The following ITFG2 variants were observed in gnomAD, a reference collection of about 807,000 sequenced individuals.
ITFG2 encodes the protein KICSTOR complex protein ITFG2.
Under a neutral mutation model 54.4 loss-of-function variants are expected in ITFG2, and 36 were observed. The ratio of observed to expected loss-of-function variants is 0.66; its 90% confidence interval spans 0.51 to 0.87. The LOEUF (loss-of-function observed/expected upper bound fraction) is 0.87, where lower values mean the gene tolerates loss of function less well. Among genes scored for constraint, ITFG2 ranks in the 40% least tolerant of loss-of-function variants. The pLI, the probability that ITFG2 is intolerant of heterozygous loss-of-function variation, is 0.00. For synonymous variants in ITFG2, 211 were observed against 225.4 expected, an observed-to-expected ratio of 0.94 and a Z score of 0.57; for missense variants, 524 against 576.7, an observed-to-expected ratio of 0.91 and a Z score of 0.94.
intron 2 of ITFG2, chr12:2,856,996 C>T (rs945693473): frequency 1.1e-5 from 8 of 702,912 alleles, no homozygotes; most frequent in Admixed American, 4.0e-5. Context: ...TGACTGGGCC[C>T]TCTGAGTGAT....
At chr12:2,821,012 TG>T in intron 6 of ITFG2, 140 bp downstream of exon 6, 2 of 902,720 alleles carry the variant, frequency 2.2e-6, no homozygotes. Flanking sequence ...TTTGCCCCAC[TG>T]GGGAAGATTA....
upstream of ITFG2, chr12:2,835,432 A>T (rs1471421680): frequency 6.2e-6 from 1 of 161,604 alleles, no homozygotes; most frequent in Non-Finnish European, 1.3e-5. Flanking sequence ...CTGGGTTCAG[A>T]TCAAAGAGGG....
intron 10 of ITFG2, 118 bp downstream of exon 10, chr12:2,823,029 C>G: frequency 1.3e-6 from 1 of 744,842 alleles, no homozygotes; most frequent in South Asian, 1.7e-5. Context: ...TGATGTAAGT[C>G]TTCATTCACC....
rs572661416 is a variant in ITFG2, at chr12:2,845,226, G to A, written n.300+4231G>A. Reference sequence around the variant, plus strand: ...GAGTTGGAATGAAGGCTGGAGGGTCGCAGGGAAGCTGGAAAGTGAGTTGGG... The same window carrying A: ...GAGTTGGAATGAAGGCTGGAGGGTCACAGGGAAGCTGGAAAGTGAGTTGGG... On this transcript the variant is annotated intron_variant and non_coding_transcript_variant, in intron 2 of 3. Transcript: ENST00000537710. This position sits in a 1 kb window ranked among gnomAD's most constrained non-coding sequence, Gnocchi z 4.2. 3.9e-5 allele frequency among the ~76,000 whole-genome samples: 6 copies of A among 152,338 alleles called. 1 individual carries two copies. Among genetic ancestry groups the A allele is most frequent in the South Asian group, 2.1e-4 (1 of 4,828 alleles).
At chr12:2,857,009 T>C (rs1197524129) in intron 2 of ITFG2, 7 of 702,890 alleles carry the variant, frequency 1.0e-5, no homozygotes, top group Non-Finnish European at 1.8e-5. Flanking sequence ...TGAGTGATCT[T>C]TGCCGGTTAC....
At chr12:2,829,204 G>A (rs1442304334), downstream of ITFG2, among the ~76,000 whole-genome samples, 1 of 152,174 alleles carries the variant, frequency 6.6e-6, no homozygotes, top group Non-Finnish European at 1.5e-5. Flanking sequence ...GGAAGGATGA[G>A]AAGACTGGAA....
At chr12:2,849,954 GTTTCT>G (rs1375198238) in intron 2 of ITFG2, among the ~76,000 whole-genome samples, 1 of 152,258 alleles carries the variant, frequency 6.6e-6, no homozygotes, top group African/African-American at 2.4e-5. Flanking sequence ...ACAGACTTTT[GTTTCT>G]TTTAACACAG....
intron 2 of ITFG2, chr12:2,830,801 C>T: frequency 6.2e-7 from 1 of 1,613,800 alleles, no homozygotes; most frequent in Non-Finnish European, 8.5e-7. Flanking sequence ...GGGGAGGCTC[C>T]CCCTGAAGCC....
chr12:2,823,248 G>C (rs1243212417), intron 10 of ITFG2, among the ~76,000 whole-genome samples: 2 of 152,234 alleles, frequency 1.3e-5, no homozygotes, highest in African/African-American at 4.8e-5. Context: ...ATCTGTCTGG[G>C]ATGTGTGAAG....
intron 2 of ITFG2, chr12:2,830,453 T>C: frequency 2.3e-5 from 10 of 430,720 alleles, no homozygotes; most frequent in South Asian, 8.1e-5. Context: ...GAGGAGTACT[T>C]ACTTAATTTA....
chr12:2,813,836 A>T (rs1189441462), intron 1 of ITFG2, among the ~76,000 whole-genome samples: 1 of 152,062 alleles, frequency 6.6e-6, no homozygotes, highest in Non-Finnish European at 1.5e-5. Flanking sequence ...TCTGGGGAGG[A>T]AAGAGTTATT....
intron 3 of ITFG2, chr12:2,858,729 A>T (rs1235961914): frequency 6.2e-7 from 1 of 1,614,066 alleles, no homozygotes; most frequent in African/African-American, 1.3e-5. Context: ...GTCCAGCAGG[A>T]TCTTGCTGAG....
At chr12:2,814,118 A>G (rs189535723) in intron 1 of ITFG2, among the ~76,000 whole-genome samples, 1 of 151,978 alleles carries the variant, frequency 6.6e-6, no homozygotes. Context: ...TAATTTTTTT[A>G]AAGTTTTGTA....
intron 2 of ITFG2, among the ~76,000 whole-genome samples, chr12:2,847,409 A>T (rs2098056083): frequency 6.6e-6 from 1 of 152,128 alleles, no homozygotes; most frequent in Admixed American, 6.6e-5. Flanking sequence ...CTGTAATCCC[A>T]GTAATTCCAG....
intron 2 of ITFG2, among the ~76,000 whole-genome samples, chr12:2,852,645 A>C (rs2098074757): frequency 6.6e-6 from 1 of 152,022 alleles, no homozygotes; most frequent in Non-Finnish European, 1.5e-5. Context: ...GATTACAGGC[A>C]TGAACCATCA....
intron 2 of ITFG2, among the ~76,000 whole-genome samples, chr12:2,854,253 T>G (rs1030189656): frequency 7.9e-5 from 12 of 152,076 alleles, no homozygotes; most frequent in South Asian, 2.1e-4. Context: ...TGGAACTCCC[T>G]ACCTCAGGTG....
chr12:2,821,506 C>G (rs750035067), intron 7 of ITFG2, 37 bp from the exon 8 acceptor site: 3 of 1,610,598 alleles, frequency 1.9e-6, no homozygotes, highest in Non-Finnish European at 1.7e-6. Flanking sequence ...TCTGACCTTG[C>G]CCTGCCCTTT....
chr12:2,822,900 C>G lies in ITFG2; in HGVS notation c.1055C>G (p.Ala352Gly), dbSNP rs756292548. 1 of 1,613,826 alleles carries G rather than the reference C, an allele frequency of 6.2e-7. No individual in the cohort carries two copies. Among genetic ancestry groups the G allele is most frequent in the Non-Finnish European group, 8.5e-7 (1 of 1,179,754 alleles). ...VRFQVDENIRAFCAGLYACKE... is the reference protein window; with the variant it reads ...VRFQVDENIRGFCAGLYACKE... ...TTCCAAGTGGATGAAAATATCCGTG[C>G]CTTCTGTGCAGGTGACCCCCGCCCC... Residue 352 changes from alanine (A) to glycine (G), a missense_variant, in exon 10 of 12, where the codon GCC becomes GGC. Physicochemically the swap from Ala to Gly is moderately conservative, Grantham distance 60. Coordinates refer to ENST00000228799, the MANE Select transcript of ITFG2 (RefSeq NM_018463.4).
chr12:2,830,421 ATTTGTCTG>A (rs1014851295), intron 2 of ITFG2: 7 of 303,138 alleles, frequency 2.3e-5, no homozygotes, highest in African/African-American at 2.2e-5. Flanking sequence ...CACACACACC[ATTTGTCTG>A]TGTAGAGCAC....
Sources: allele counts gnomAD v4.1 joint callset (sites outside exome capture counted in the v4.1 genomes callset), GRCh38; gene constraint gnomAD v4.1.1; non-coding constraint Gnocchi (gnomAD v3.1); transcripts MANE v1.5; gene names NCBI Gene and HGNC (gene_info 2026-07-23, HGNC 2026-07-21).